The following DIAPH2 variants were observed in gnomAD, a reference collection of about 807,000 sequenced individuals.
DIAPH2 encodes protein diaphanous homolog 2.
DIAPH2 carries 35 observed loss-of-function variants against 92.7 expected under a neutral mutation model. The observed-to-expected ratio is 0.38, with a 90% CI of 0.29 to 0.50. The LOEUF is 0.50. DIAPH2 is among the 20% of genes least tolerant of loss of function. The pLI is 0.94. For missense variants in DIAPH2, 701 were observed against 819.5 expected (o/e 0.86, Z 1.77); for synonymous variants, 301 against 280.4 (o/e 1.07, Z -0.73).
chrX:96,986,980 A>T (rs1454568852), intron 17 of DIAPH2, among the ~76,000 whole-genome samples: 3 of 111,896 alleles, frequency 2.7e-5, no homozygotes, highest in African/African-American at 9.7e-5. Flanking sequence ...AGATTTTTTG[A>T]GACCAAATTT....
At position 96,685,129 on chromosome X, in the gene DIAPH2, A is replaced by C. The variant is rs893219590; in HGVS notation, c.71A>C (p.Asn24Thr). Residue 24 changes from asparagine to threonine, a missense_variant, in exon 1 of 27, where the codon AAC becomes ACC. This residue lies in a region of DIAPH2 where 131 missense variants were observed against 145.6 expected (regional missense o/e 0.90). Coordinates refer to ENST00000324765, the MANE Select transcript of DIAPH2 (RefSeq NM_006729.5). The stretch of plus-strand genomic sequence containing the variant: ...GAGGAACCCGGTGGGGGCCGGAGCA[A>C]CAAGCGGAGCGCGGGGAACCGGGCC... ...GSEEPGGGRS[N>T]KRSAGNRAAN... 9.8e-7 allele frequency: 1 copy of C among 1,017,465 alleles called. No homozygotes were observed. Among genetic ancestry groups the C allele is most frequent in the Non-Finnish European group, 1.3e-6 (1 of 794,564 alleles). The allele number at this position is 1,017,465 out of a possible 1,213,427, so 83.9% of individuals were successfully genotyped here.
At chrX:96,986,182 A>G (rs1322646441) in intron 17 of DIAPH2, among the ~76,000 whole-genome samples, 1 of 111,514 alleles carries the variant, frequency 9.0e-6, no homozygotes, top group Admixed American at 9.5e-5. Flanking sequence ...AATGCCTATC[A>G]TACTGGCTCA....
At chrX:97,117,224 A>T (rs1231911595) in intron 21 of DIAPH2, among the ~76,000 whole-genome samples, 1 of 111,264 alleles carries the variant, frequency 9.0e-6, no homozygotes, top group Admixed American at 9.6e-5. Flanking sequence ...AATGTATAGG[A>T]TTCGAAGGAT....
chrX:97,038,109 A>G (rs750119541), intron 17 of DIAPH2, among the ~76,000 whole-genome samples: 15 of 111,300 alleles, frequency 1.3e-4, no homozygotes, highest in Non-Finnish European at 2.8e-4. Flanking sequence ...AACATGCAGT[A>G]TTTGGTTTTC....
chrX:96,712,312 A>G (rs945440089), intron 1 of DIAPH2, among the ~76,000 whole-genome samples: 1 of 109,663 alleles, frequency 9.1e-6, no homozygotes, highest in African/African-American at 3.3e-5. Flanking sequence ...TTTTTTCTAG[A>G]GCTCTACCAG....
At chrX:97,380,624 A>G (rs891309696) in intron 24 of DIAPH2, among the ~76,000 whole-genome samples, 1 of 111,904 alleles carries the variant, frequency 8.9e-6, no homozygotes, top group African/African-American at 3.2e-5. Flanking sequence ...GGGTTAAACA[A>G]TGTCTTAAAA....
At chrX:96,798,269 A>C (rs2064555867) in intron 4 of DIAPH2, among the ~76,000 whole-genome samples, 1 of 111,828 alleles carries the variant, frequency 8.9e-6, no homozygotes, top group Admixed American at 9.5e-5. Flanking sequence ...TATTGTCCAT[A>C]TGTCACTGAG....
At chrX:97,527,864 T>C (rs1164671025) in intron 26 of DIAPH2, among the ~76,000 whole-genome samples, 1 of 111,629 alleles carries the variant, frequency 9.0e-6, no homozygotes, top group Non-Finnish European at 1.9e-5. Flanking sequence ...TCTAACTGAT[T>C]TTAAAACTTG....
chrX:97,347,038 T>TAC (rs1236367927), intron 23 of DIAPH2, among the ~76,000 whole-genome samples: 1 of 108,494 alleles, frequency 9.2e-6, no homozygotes, highest in East Asian at 2.9e-4. Flanking sequence ...CATATATGTA[T>TAC]ACACACACAC....
intron 3 of DIAPH2, among the ~76,000 whole-genome samples, chrX:96,751,581 A>AAT (rs2064188604): frequency 1.4e-4 from 14 of 98,956 alleles, no homozygotes; most frequent in African/African-American, 3.2e-4. Flanking sequence ...GTCTCAAAAA[A>AAT]AATAATAATA....
intron 26 of DIAPH2, among the ~76,000 whole-genome samples, chrX:97,508,950 A>G (rs1294126028): frequency 1.8e-5 from 2 of 108,310 alleles, no homozygotes; most frequent in Admixed American, 1.0e-4. Context: ...CTTAACAACA[A>G]CAATAACAAC....
chrX:96,992,466 T>A (rs1380070101), intron 17 of DIAPH2, among the ~76,000 whole-genome samples: 1 of 112,149 alleles, frequency 8.9e-6, no homozygotes, highest in East Asian at 2.8e-4. Context: ...TGGAAAGAGA[T>A]CTGGAACAGA....
intron 8 of DIAPH2, among the ~76,000 whole-genome samples, chrX:96,916,841 A>G (rs1475055594): frequency 9.0e-6 from 1 of 111,489 alleles, no homozygotes; most frequent in Non-Finnish European, 1.9e-5. Flanking sequence ...TGCTGGAGGT[A>G]CAGCAATCAT....
intron 22 of DIAPH2, among the ~76,000 whole-genome samples, chrX:97,219,314 C>G (rs2147514149): frequency 9.0e-6 from 1 of 111,532 alleles, no homozygotes; most frequent in East Asian, 2.8e-4. Flanking sequence ...TTTTTTATTT[C>G]TTTTCACAAG....
chrX:97,012,485 T>A (rs2066234028), intron 17 of DIAPH2, among the ~76,000 whole-genome samples: 1 of 112,213 alleles, frequency 8.9e-6, no homozygotes, highest in Non-Finnish European at 1.9e-5. Context: ...TTTGTCCACA[T>A]GTATATCCCA....
At chrX:96,870,519 G>A (rs780324332) in intron 4 of DIAPH2, among the ~76,000 whole-genome samples, 20 of 106,556 alleles carry the variant, frequency 1.9e-4, no homozygotes, top group Admixed American at 4.1e-4. Context: ...CTCGTGATCC[G>A]CCCGCCTCGG....
chrX:97,433,031 T>G (rs766648644), intron 26 of DIAPH2, among the ~76,000 whole-genome samples: 2 of 111,259 alleles, frequency 1.8e-5, no homozygotes, highest in Non-Finnish European at 3.8e-5. Flanking sequence ...GTTGCCTAAA[T>G]TATAAATCGC....
chrX:96,882,560 C>T (rs997664052), intron 5 of DIAPH2, among the ~76,000 whole-genome samples: 2 of 110,817 alleles, frequency 1.8e-5, no homozygotes, highest in African/African-American at 6.6e-5. Context: ...GGTTACTTGC[C>T]AATGGTGGAT....
At chrX:97,372,214 C>G (rs1186534757) in intron 24 of DIAPH2, among the ~76,000 whole-genome samples, 2 of 112,090 alleles carry the variant, frequency 1.8e-5, no homozygotes, top group Admixed American at 1.9e-4. Context: ...TTTAAAAGGC[C>G]TTGGGGATCA....
Sources: gnomAD v4.1 joint callset for allele counts (sites outside exome capture counted in the v4.1 genomes callset) on GRCh38, gnomAD v4.1.1 for gene constraint, gnomAD v4.1.1 regional missense constraint, MANE v1.5 for transcripts, NCBI Gene and HGNC (gene_info 2026-07-23, HGNC 2026-07-21) for gene names.